Variants in RNGTT observed in about 807,000 individuals in gnomAD.
The protein encoded by RNGTT is RNA guanylyltransferase and 5'-phosphatase.
RNGTT carries 33 observed loss-of-function variants against 79.3 expected under a neutral mutation model. That is an observed-to-expected ratio of 0.42 (90% CI 0.32 to 0.56). The LOEUF (loss-of-function observed/expected upper bound fraction) is 0.56, where lower values mean the gene tolerates loss of function less well. RNGTT is among the 20% of genes least tolerant of loss of function. The pLI, the probability that RNGTT is intolerant of heterozygous loss-of-function variation, is 0.17. For synonymous variants in RNGTT, 222 were observed against 235.9 expected (o/e 0.94, Z 0.54); for missense variants, 497 against 739.1 (o/e 0.67, Z 3.80).
intron 13 of RNGTT, among the ~76,000 whole-genome samples, chr6:88,746,449 C>T (rs749462491): frequency 2.6e-5 from 4 of 152,194 alleles, no homozygotes; most frequent in Admixed American, 1.3e-4. Flanking sequence ...ACTAGAGCAG[C>T]GGTCCTCAAC....
chr6:88,792,307 C>T (rs1027572253), intron 12 of RNGTT, among the ~76,000 whole-genome samples: 4 of 152,190 alleles, frequency 2.6e-5, no homozygotes, highest in African/African-American at 4.8e-5. Context: ...TCTCTTCTTA[C>T]TTCCTCCTTA....
intron 14 of RNGTT, among the ~76,000 whole-genome samples, chr6:88,626,381 A>G (rs1772634456): frequency 6.6e-6 from 1 of 152,030 alleles, no homozygotes; most frequent in African/African-American, 2.4e-5. Flanking sequence ...TAAAGGAGGA[A>G]AAGGTAGACT....
intron 11 of RNGTT, among the ~76,000 whole-genome samples, chr6:88,842,766 T>C (rs1451384966): frequency 1.3e-5 from 2 of 152,034 alleles, no homozygotes; most frequent in African/African-American, 4.8e-5. Flanking sequence ...CTGCCAAATT[T>C]AACTACATAA....
intron 14 of RNGTT, among the ~76,000 whole-genome samples, chr6:88,657,395 G>A (rs928992929): frequency 3.3e-5 from 5 of 152,286 alleles, no homozygotes; most frequent in African/African-American, 4.8e-5. Context: ...TGAGCCCAGG[G>A]AAGCCATTGT....
chr6:88,868,163 A>T (rs1236817437), intron 8 of RNGTT, among the ~76,000 whole-genome samples: 1 of 151,328 alleles, frequency 6.6e-6, no homozygotes, highest in Admixed American at 6.6e-5. Flanking sequence ...AAAAAAAAAC[A>T]GCTCTTTTAA....
intron 12 of RNGTT, among the ~76,000 whole-genome samples, chr6:88,792,706 T>A (rs9344874): frequency 6.6e-6 from 1 of 152,084 alleles, no homozygotes; most frequent in African/African-American, 2.4e-5. Context: ...GTGGAATACA[T>A]AAGACCACTC....
At chr6:88,762,299 C>T (rs560981560) in intron 13 of RNGTT, among the ~76,000 whole-genome samples, 1 of 152,264 alleles carries the variant, frequency 6.6e-6, no homozygotes, top group African/African-American at 2.4e-5. Context: ...CTAGGAAAGG[C>T]CAAATAAAAG....
At chr6:88,672,176 CCA>C (rs777286825) in intron 14 of RNGTT, among the ~76,000 whole-genome samples, 11 of 150,742 alleles carry the variant, frequency 7.3e-5, no homozygotes, top group Non-Finnish European at 1.6e-4. Context: ...AACAGACAAC[CCA>C]CAGAGTAGGA....
intron 13 of RNGTT, among the ~76,000 whole-genome samples, chr6:88,733,078 GC>G (rs1310885903): frequency 1.3e-5 from 2 of 152,192 alleles, no homozygotes; most frequent in East Asian, 3.8e-4. Context: ...ACAGAACTTG[GC>G]AGGGTGCAGC....
intron 13 of RNGTT, among the ~76,000 whole-genome samples, chr6:88,698,381 T>C (rs1406453802): frequency 6.7e-6 from 1 of 148,346 alleles, no homozygotes; most frequent in East Asian, 2.0e-4. Context: ...GCTAGCTATC[T>C]TGATTTTTAA....
At chr6:88,823,898 T>C (rs1347010876) in intron 11 of RNGTT, among the ~76,000 whole-genome samples, 1 of 152,142 alleles carries the variant, frequency 6.6e-6, no homozygotes, top group Non-Finnish European at 1.5e-5. Context: ...AGTGCAAATG[T>C]CTTAACATGA....
intron 1 of RNGTT, among the ~76,000 whole-genome samples, chr6:88,943,949 C>G (rs1373079152): frequency 1.3e-5 from 2 of 152,170 alleles, no homozygotes; most frequent in Non-Finnish European, 2.9e-5. Flanking sequence ...CTTCCTAGAG[C>G]AAATCTCACA....
chr6:88,723,644 A>G (rs937416644), intron 13 of RNGTT, among the ~76,000 whole-genome samples: 1 of 152,216 alleles, frequency 6.6e-6, no homozygotes, highest in African/African-American at 2.4e-5. Context: ...AAAAATTAAA[A>G]ATTTTGAAAA....
At chr6:88,836,286 G>A (rs775498316) in intron 11 of RNGTT, among the ~76,000 whole-genome samples, 8 of 151,002 alleles carry the variant, frequency 5.3e-5, no homozygotes, top group Non-Finnish European at 8.8e-5. Context: ...GTAGAAAAGT[G>A]CAGATAATAT....
At chr6:88,671,593 G>A (rs1378057602) in intron 14 of RNGTT, among the ~76,000 whole-genome samples, 1 of 151,992 alleles carries the variant, frequency 6.6e-6, no homozygotes, top group Non-Finnish European at 1.5e-5. Context: ...CACAGAACTA[G>A]AAAAGCCAAT....
At chr6:88,874,318 AT>A (rs2127922996) in intron 8 of RNGTT, among the ~76,000 whole-genome samples, 1 of 152,244 alleles carries the variant, frequency 6.6e-6, no homozygotes, top group Admixed American at 6.5e-5. Flanking sequence ...CACTTAACGT[AT>A]TCTGGGCAGC....
intron 2 of RNGTT, among the ~76,000 whole-genome samples, chr6:88,940,202 C>T (rs1417465823): frequency 6.6e-6 from 1 of 151,978 alleles, no homozygotes; most frequent in South Asian, 2.1e-4. Flanking sequence ...CTCAGCCTCC[C>T]GAGTATGCTG....
intron 12 of RNGTT, among the ~76,000 whole-genome samples, chr6:88,778,114 C>T (rs1393491333): frequency 6.6e-6 from 1 of 151,956 alleles, no homozygotes; most frequent in Non-Finnish European, 1.5e-5. Context: ...TATGTTTATA[C>T]CAACCTTGTA....
At chr6:88,910,566 T>C (rs939071451) in intron 4 of RNGTT, among the ~76,000 whole-genome samples, 8 of 152,188 alleles carry the variant, frequency 5.3e-5, no homozygotes, top group African/African-American at 1.7e-4. Context: ...ATGAAAGACA[T>C]ATTTGAGAAT....
Sources: allele counts gnomAD v4.1 joint callset (sites outside exome capture counted in the v4.1 genomes callset), GRCh38; gene constraint gnomAD v4.1.1; transcripts MANE v1.5; gene names NCBI Gene and HGNC (gene_info 2026-07-23, HGNC 2026-07-21).